OPCML: variants seen among roughly 807,000 people sequenced by gnomAD.
OPCML encodes opioid binding protein/cell adhesion molecule like, also known as opioid-binding protein/cell adhesion molecule.
OPCML carries 13 observed loss-of-function variants against 37.8 expected under a neutral mutation model. The ratio of observed to expected loss-of-function variants is 0.34; its 90% CI spans 0.22 to 0.55. The LOEUF (loss-of-function observed/expected upper bound fraction) is 0.55, where lower values mean the gene tolerates loss of function less well. Among genes scored for constraint, OPCML ranks in the 20% least tolerant of loss-of-function variants. OPCML has a pLI of 0.91. For synonymous variants in OPCML, 176 were observed against 168.8 expected, an observed-to-expected ratio of 1.04 and a Z score of -0.33; for missense variants, 341 against 435.6, an observed-to-expected ratio of 0.78 and a Z score of 1.93.
intron 2 of OPCML, among the ~76,000 whole-genome samples, chr11:132,800,774 C>A (rs974191049): frequency 7.2e-5 from 11 of 152,100 alleles, no homozygotes; most frequent in Non-Finnish European, 1.0e-4. Flanking sequence ...GATGTATAAT[C>A]CTTTTTTATA....
intron 2 of OPCML, among the ~76,000 whole-genome samples, chr11:132,780,988 C>T (rs1361231953): frequency 6.6e-6 from 1 of 151,766 alleles, no homozygotes; most frequent in African/African-American, 2.4e-5. Flanking sequence ...TATATTTTTT[C>T]ATTGATTTAT....
At chr11:133,197,144 A>G (rs1446312468) in intron 1 of OPCML, among the ~76,000 whole-genome samples, 1 of 152,162 alleles carries the variant, frequency 6.6e-6, no homozygotes, top group Non-Finnish European at 1.5e-5. Context: ...TTTATACAAT[A>G]TGGCATTTTA....
intron 7 of OPCML, among the ~76,000 whole-genome samples, chr11:132,425,569 G>A (rs538241827): frequency 4.6e-5 from 7 of 152,356 alleles, no homozygotes; most frequent in Non-Finnish European, 5.9e-5. Flanking sequence ...ATCAAGTACA[G>A]AGTAAAGGAT....
chr11:132,798,157 G>A (rs1403339658), intron 2 of OPCML, among the ~76,000 whole-genome samples: 2 of 151,846 alleles, frequency 1.3e-5, no homozygotes, highest in Non-Finnish European at 2.9e-5. Flanking sequence ...CGCAACCTCC[G>A]CCTCAGGGAG....
intron 7 of OPCML, among the ~76,000 whole-genome samples, chr11:132,429,599 G>T (rs1441378833): frequency 6.6e-6 from 1 of 152,204 alleles, no homozygotes; most frequent in African/African-American, 2.4e-5. Flanking sequence ...TATTCAGGGA[G>T]AGAGAGTGGC....
intron 1 of OPCML, among the ~76,000 whole-genome samples, chr11:133,072,988 T>TGGAAG (rs1362989442): frequency 6.6e-6 from 1 of 152,156 alleles, no homozygotes; most frequent in Admixed American, 6.5e-5. Flanking sequence ...CGGTGAAACC[T>TGGAAG]GGAAGGAGGA....
chr11:133,140,892 C>A (rs371151103), intron 1 of OPCML, among the ~76,000 whole-genome samples: 1,040 of 4,584 alleles, frequency 0.23, 315 homozygotes, highest in Non-Finnish European at 0.42. Flanking sequence ...ACGACGACGA[C>A]GAAGACGACG....
intron 1 of OPCML, among the ~76,000 whole-genome samples, chr11:133,191,536 T>TGTGTGTGTGA (rs1213488684): frequency 2.6e-5 from 4 of 151,120 alleles, no homozygotes; most frequent in African/African-American, 7.3e-5. Context: ...TGTGTGTGTG[T>TGTGTGTGTGA]GACGGAGTTT....
chr11:133,421,776 G>C, intron 1 of OPCML: 1 of 985,246 alleles, frequency 1.0e-6, no homozygotes, highest in Non-Finnish European at 1.2e-6. Flanking sequence ...TAATGCTCTG[G>C]ATATCAATTG....
chr11:133,529,962 C>T (rs4402307), intron 1 of OPCML, among the ~76,000 whole-genome samples: 60,872 of 152,022 alleles, frequency 0.4, 17,441 homozygotes, highest in African/African-American at 0.81. Flanking sequence ...TTCTCCTCCC[C>T]GTTCTTGTTC....
chr11:133,224,618 G>A (rs1170878143), intron 1 of OPCML, among the ~76,000 whole-genome samples: 4 of 152,198 alleles, frequency 2.6e-5, no homozygotes, highest in Admixed American at 6.5e-5. Context: ...GGGCTCACCC[G>A]GGCCAGATGC....
At chr11:133,433,749 ATCT>A (rs1946175294) in intron 1 of OPCML, among the ~76,000 whole-genome samples, 1 of 152,142 alleles carries the variant, frequency 6.6e-6, no homozygotes, top group Admixed American at 6.5e-5. Flanking sequence ...TGCAAGGCAC[ATCT>A]TCCCCCTTAA....
chr11:132,615,099 G>T (rs187856286), intron 3 of OPCML, among the ~76,000 whole-genome samples: 1 of 152,120 alleles, frequency 6.6e-6, no homozygotes. Flanking sequence ...AGGAGCTTGC[G>T]TTTTTATTTA....
chr11:133,422,402 T>TATATATATATATATATATATATATATGC lies in OPCML; in HGVS notation c.61+109861_61+109862insGCATATATATATATATATATATATATAT, dbSNP rs1461835903. ...TTATATATATATATATATGTATATATGCGCCAGTTCAAACCCTTGCCCCAC... is the reference window on the plus strand; with the variant it reads ...TTATATATATATATATATGTATATATATATATATATATATATATATATATATGCGCGCCAGTTCAAACCCTTGCCCCAC... On this transcript the variant is annotated intron_variant, in intron 1 of 7. Transcript: ENST00000524381. The TATATATATATATATATATATATATATGC allele has an allele frequency of 5.3e-6, 5 of 951,320 alleles. No individual in the cohort carries two copies. In the African/African-American group the frequency reaches 1.0e-4, roughly 20 times the overall value. The allele number at this position is 951,320 out of a possible 1,614,324, so 58.9% of individuals were successfully genotyped here.
At chr11:133,052,589 AG>A (rs1344191522) in intron 1 of OPCML, among the ~76,000 whole-genome samples, 1 of 152,156 alleles carries the variant, frequency 6.6e-6, no homozygotes, top group Non-Finnish European at 1.5e-5. Flanking sequence ...TTGCCTTTAG[AG>A]AGCAACCTCT....
chr11:133,170,427 A>G (rs1950273343), intron 1 of OPCML, among the ~76,000 whole-genome samples: 1 of 152,234 alleles, frequency 6.6e-6, no homozygotes, highest in Admixed American at 6.5e-5. Flanking sequence ...CAGAGCTTGC[A>G]GTCAGCCTAG....
At chr11:132,446,689 G>A (rs1486028880) in intron 4 of OPCML, among the ~76,000 whole-genome samples, 2 of 151,956 alleles carry the variant, frequency 1.3e-5, no homozygotes, top group Non-Finnish European at 2.9e-5. Flanking sequence ...TAAACCAACA[G>A]GGTTACTTTA....
At chr11:132,579,899 T>C (rs776158958) in intron 3 of OPCML, among the ~76,000 whole-genome samples, 34 of 152,160 alleles carry the variant, frequency 2.2e-4, no homozygotes, top group Non-Finnish European at 4.9e-4. Flanking sequence ...ATGAAAAGTG[T>C]GCACTGGCGA....
intron 1 of OPCML, among the ~76,000 whole-genome samples, chr11:133,180,388 G>A (rs1482819117): frequency 1.3e-5 from 2 of 152,118 alleles, no homozygotes; most frequent in African/African-American, 4.8e-5. Context: ...GCCCAGAAGT[G>A]GATGAACTCT....
Sources: gnomAD v4.1 joint callset for allele counts (sites outside exome capture counted in the v4.1 genomes callset) on GRCh38, gnomAD v4.1.1 for gene constraint, MANE v1.5 for transcripts, NCBI Gene and HGNC (gene_info 2026-07-23, HGNC 2026-07-21) for gene names.